The following WWTR1 variants were observed in gnomAD, a reference collection of about 807,000 sequenced individuals.
WWTR1 encodes WW domain-containing transcription regulator protein 1.
In WWTR1, 13 loss-of-function variants were observed where a neutral mutation model predicts 40.1. The ratio of observed to expected loss-of-function variants is 0.32; its 90% CI spans 0.21 to 0.52. The LOEUF (loss-of-function observed/expected upper bound fraction) is 0.52, where lower values mean the gene tolerates loss of function less well. WWTR1 is among the 20% of genes least tolerant of loss of function. The probability of loss-of-function intolerance (pLI) is 0.97; values close to 1 mark genes in which losing one functional copy is unlikely to be tolerated. For missense variants in WWTR1, 436 were observed against 523.1 expected (o/e 0.83, Z 1.63); for synonymous variants, 230 against 210.1 (o/e 1.09, Z -0.82).
intron 3 of WWTR1, among the ~76,000 whole-genome samples, chr3:149,564,530 T>C (rs1737222648): frequency 6.6e-6 from 1 of 151,372 alleles, no homozygotes; most frequent in Non-Finnish European, 1.5e-5. Context: ...AAAAGTAATA[T>C]AACCGCATTA....
At chr3:149,586,901 T>C (rs1408004799) in intron 2 of WWTR1, among the ~76,000 whole-genome samples, 1 of 152,226 alleles carries the variant, frequency 6.6e-6, no homozygotes, top group East Asian at 1.9e-4. Context: ...TGAAGGCTCC[T>C]GGAGGGTGGC....
intron 1 of WWTR1, among the ~76,000 whole-genome samples, chr3:149,684,825 A>G (rs1462283743): frequency 6.6e-6 from 1 of 151,952 alleles, no homozygotes; most frequent in East Asian, 1.9e-4. Flanking sequence ...CTGCCTTTCA[A>G]ATTGTTGGGA....
chr3:149,684,298 G>T (rs2108206686), intron 1 of WWTR1, among the ~76,000 whole-genome samples: 1 of 152,184 alleles, frequency 6.6e-6, no homozygotes, highest in East Asian at 1.9e-4. Flanking sequence ...TAGGATTACA[G>T]GCGTCAGCCA....
At chr3:149,573,049 A>G in intron 2 of WWTR1, 49 bp from the exon 3 acceptor site, 1 of 1,526,416 alleles carries the variant, frequency 6.6e-7, no homozygotes, top group Admixed American at 2.0e-5. Context: ...CAGCATCATT[A>G]TCATCATCAC....
At chr3:149,543,076 G>T (rs564241568) in intron 3 of WWTR1, among the ~76,000 whole-genome samples, 1 of 152,340 alleles carries the variant, frequency 6.6e-6, no homozygotes, top group Admixed American at 6.5e-5. Flanking sequence ...AAAGCATGCT[G>T]CAAGGAAGCC....
At position 149,656,763 on chromosome 3, in the gene WWTR1, T is replaced by TC. The variant is rs1491480994; in HGVS notation, c.431+112_431+113insG. ...TGGAAGGACACGCACCATCTCTCTC[T>TC]TTCTCTCTCTCTCTCTCTCTCTCTC... is the stretch of plus-strand genomic sequence containing the variant. On this transcript the variant is annotated intron_variant, in intron 2 of 6. Transcript: ENST00000360632. 3.7e-3 allele frequency: 1,852 copies of TC among 505,472 alleles called. 37 individuals are homozygous for TC. The African/African-American group carries it at 0.055, about 15-fold the overall frequency. 31.3% of individuals were successfully genotyped at this position (505,472 alleles called of 1,614,324 possible). A position where few individuals can be genotyped will look rare whatever the true frequency, so the allele number is the denominator to read the frequency against.
At position 149,689,380 on chromosome 3, in the gene WWTR1, C is replaced by CAAAAAA. The variant is rs3044083; in HGVS notation, c.-108+13738_-108+13743dup. Among the ~76,000 whole-genome samples the CAAAAAA allele has an allele frequency of 1.0e-3, 37 of 36,684 alleles. 1 individual carries two copies. Among genetic ancestry groups the CAAAAAA allele is most frequent in the Non-Finnish European group, 1.2e-3 (27 of 22,352 alleles). 24.1% of individuals were successfully genotyped at this position (36,684 alleles called of 152,430 possible). A position where few individuals can be genotyped will look rare whatever the true frequency, so the allele number is the denominator to read the frequency against. The stretch of plus-strand genomic sequence containing the variant: ...TGGGTGACAGAGTGAGAACCTATCT[C>CAAAAAA]AAAAAAAAAAAAAAAAAAAAAGCAA... On this transcript the variant is annotated intron_variant, in intron 1 of 7. Coordinates refer to the WWTR1 transcript ENST00000465804.
At chr3:149,535,044 G>C (rs1249250031) in intron 4 of WWTR1, among the ~76,000 whole-genome samples, 1 of 152,064 alleles carries the variant, frequency 6.6e-6, no homozygotes, top group Non-Finnish European at 1.5e-5. Flanking sequence ...GCTCTGTCCC[G>C]CCTTGGCTGA....
chr3:149,536,120 A>T (rs1029602632), intron 4 of WWTR1, among the ~76,000 whole-genome samples: 4 of 152,210 alleles, frequency 2.6e-5, no homozygotes, highest in Non-Finnish European at 5.9e-5. Flanking sequence ...ACATGTAAGC[A>T]AATAAAACGC....
chr3:149,691,930 G>C (rs1461083425), intron 1 of WWTR1, among the ~76,000 whole-genome samples: 2 of 152,012 alleles, frequency 1.3e-5, no homozygotes, highest in Non-Finnish European at 2.9e-5. Flanking sequence ...GCAGGAGAAT[G>C]GCGTGAACCT....
At chr3:149,531,410 C>T (rs1163194798) in intron 4 of WWTR1, among the ~76,000 whole-genome samples, 1 of 152,142 alleles carries the variant, frequency 6.6e-6, no homozygotes, top group African/African-American at 2.4e-5. Flanking sequence ...GCTTCTTGTT[C>T]CACCTGGATG....
intron 2 of WWTR1, among the ~76,000 whole-genome samples, chr3:149,600,372 C>T (rs564901587): frequency 1.3e-5 from 2 of 152,278 alleles, no homozygotes; most frequent in South Asian, 4.1e-4. Flanking sequence ...TGGTACATAG[C>T]AAACACTATG....
At position 149,518,235 on chromosome 3, in the gene WWTR1, T is replaced by A. The variant is rs1349365097; in HGVS notation, c.*2570A>T. 6.6e-6 allele frequency: 1 copy of A among 152,062 alleles called. No homozygotes were observed. The highest frequency in any genetic ancestry group is 1.5e-5 in the Non-Finnish European group (1 of 68,010). 9.4% of individuals were successfully genotyped at this position (152,062 alleles called of 1,614,324 possible). On this transcript the variant is annotated 3_prime_UTR_variant, in exon 7 of 7. Coordinates refer to ENST00000360632, the MANE Select transcript of WWTR1 (RefSeq NM_015472.6). ...TCATTCATAAATGTTCTAACTAATT[T>A]AACTAAAAAAATCTTCTAGTATTTT...
chr3:149,709,937 A>T (rs753737641), intron 5 of WWTR1, among the ~76,000 whole-genome samples: 8 of 152,210 alleles, frequency 5.3e-5, no homozygotes, highest in African/African-American at 9.6e-5. Context: ...AACTAAGGAC[A>T]GTTGGGCCTT....
chr3:149,567,631 A>G (rs914060351), intron 3 of WWTR1, among the ~76,000 whole-genome samples: 5 of 152,218 alleles, frequency 3.3e-5, no homozygotes, highest in Admixed American at 1.3e-4. Flanking sequence ...CAGAAAGGGG[A>G]GGAAAAATGA....
chr3:149,523,203 T>C (rs539224057), intron 6 of WWTR1, among the ~76,000 whole-genome samples: 2 of 152,320 alleles, frequency 1.3e-5, no homozygotes, highest in South Asian at 4.1e-4. Flanking sequence ...TTTTTGGTCT[T>C]TGCAGTTTAT....
intron 2 of WWTR1, among the ~76,000 whole-genome samples, chr3:149,595,339 A>G (rs1738946592): frequency 6.6e-6 from 1 of 152,142 alleles, no homozygotes; most frequent in Non-Finnish European, 1.5e-5. Flanking sequence ...ACATTTTTTC[A>G]GGTTTGAAAA....
intron 2 of WWTR1, among the ~76,000 whole-genome samples, chr3:149,600,055 T>C (rs1739175514): frequency 6.6e-6 from 1 of 152,204 alleles, no homozygotes; most frequent in Non-Finnish European, 1.5e-5. Flanking sequence ...TATAAGTAAA[T>C]CTAGAGATGA....
rs186862527 is a variant in WWTR1, at chr3:149,520,108, C to G, written c.*697G>C. On this transcript the variant is annotated 3_prime_UTR_variant, in exon 7 of 7. Coordinates refer to ENST00000360632, the MANE Select transcript of WWTR1 (RefSeq NM_015472.6). The stretch of plus-strand genomic sequence containing the variant: ...AAGATCTGTAGTGTAAGACCTGTGA[C>G]TAATGCTGCTGCTGCTACTTTCCCG... 7.0e-4 allele frequency: 106 copies of G among 152,332 alleles called. 1 individual carries two copies. The highest frequency in any genetic ancestry group is 2.5e-3 in the African/African-American group (103 of 41,574). The allele number at this position is 152,332 out of a possible 1,614,324, so 9.4% of individuals were successfully genotyped here.
Sources: allele counts gnomAD v4.1 joint callset (sites outside exome capture counted in the v4.1 genomes callset), GRCh38; gene constraint gnomAD v4.1.1; transcripts MANE v1.5; gene names NCBI Gene and HGNC (gene_info 2026-07-23, HGNC 2026-07-21).